Variants in PCDHGB1 observed in about 807,000 individuals in gnomAD.
The protein encoded by PCDHGB1 is protocadherin gamma subfamily B, 1.
PCDHGB1 carries 34 observed loss-of-function variants against 56.6 expected under a neutral mutation model. The observed-to-expected ratio is 0.60, with a 90% CI of 0.46 to 0.80. The LOEUF (loss-of-function observed/expected upper bound fraction) is 0.80, where lower values mean the gene tolerates loss of function less well. Among genes scored for constraint, PCDHGB1 ranks in the 30% least tolerant of loss-of-function variants. The probability of loss-of-function intolerance (pLI) is 0.00; values close to 1 mark genes in which losing one functional copy is unlikely to be tolerated. For missense variants in PCDHGB1, 1,278 were observed against 1,204.6 expected (o/e 1.06, Z -0.90); for synonymous variants, 561 against 505.9 (o/e 1.11, Z -1.46).
In PCDHGB1 at chr5:141,371,090, C is replaced by G. The variant is rs764906419; in HGVS notation, c.2409+18421C>G. The G allele has an allele frequency of 5.0e-6, 8 of 1,613,702 alleles. No homozygotes were observed. The East Asian group carries it at 1.8e-4, about 36-fold the overall frequency. On this transcript the variant is annotated intron_variant, in intron 1 of 3. Transcript: ENST00000523390. ...GTACCACCCAGATCAGGGTAATTGT[C>G]GCAGATGCAAATGATAACCCCCCAG...
At chr5:141,385,163 A>G in intron 1 of PCDHGB1, 1 of 1,614,182 alleles carries the variant, frequency 6.2e-7, no homozygotes, top group Admixed American at 1.7e-5. Flanking sequence ...ACCTATTCCC[A>G]TGAGGTCTCC....
At chr5:141,392,957 C>T in intron 1 of PCDHGB1, 1 of 1,613,932 alleles carries the variant, frequency 6.2e-7, no homozygotes, top group Non-Finnish European at 8.5e-7. Flanking sequence ...TGGGTAATAT[C>T]TCCAAGGACC....
At chr5:141,456,635 A>G (rs558958846) in intron 1 of PCDHGB1, among the ~76,000 whole-genome samples, 17 of 152,194 alleles carry the variant, frequency 1.1e-4, no homozygotes, top group Non-Finnish European at 2.2e-4. Context: ...CTTCTTTACT[A>G]CAGGTGTTAA....
intron 1 of PCDHGB1, among the ~76,000 whole-genome samples, chr5:141,380,866 A>G (rs945856253): frequency 3.3e-5 from 5 of 152,264 alleles, no homozygotes; most frequent in Admixed American, 3.3e-4. Context: ...GAGAGCTATA[A>G]CCTCCAAACA....
At position 141,491,299 on chromosome 5, in the gene PCDHGB1, C is replaced by T. The variant is rs777271881; in HGVS notation, c.2410-3508C>T. ...TGACTTCCTCATACACCCTCCTGAG[C>T]GTTCAGACCTTACCCTTTACCTCAT... On this transcript the variant is annotated intron_variant, in intron 1 of 3. Transcript: ENST00000523390. This position sits in a 1 kb window ranked among gnomAD's most constrained non-coding sequence, Gnocchi z 6.9. 3.7e-6 allele frequency: 6 copies of T among 1,614,068 alleles called. No individual in the cohort carries two copies. Among genetic ancestry groups the T allele is most frequent in the Non-Finnish European group, 5.1e-6 (6 of 1,179,896 alleles).
intron 1 of PCDHGB1, chr5:141,423,696 T>A: frequency 4.0e-6 from 6 of 1,492,822 alleles, no homozygotes; most frequent in Non-Finnish European, 5.3e-6. Flanking sequence ...ATTGTTGGTG[T>A]CTTGGCACAA....
intron 1 of PCDHGB1, chr5:141,375,232 C>G: frequency 6.2e-7 from 1 of 1,613,986 alleles, no homozygotes; most frequent in Non-Finnish European, 8.5e-7. Flanking sequence ...GCCTGGTAAC[C>G]TGTTCCATCC....
chr5:141,405,575 G>T, intron 1 of PCDHGB1: 2 of 598,040 alleles, frequency 3.3e-6, no homozygotes, highest in Non-Finnish European at 5.9e-6. Flanking sequence ...GAGTAGAGTA[G>T]CTGGGACTAC....
intron 1 of PCDHGB1, among the ~76,000 whole-genome samples, chr5:141,455,177 T>C (rs2098816411): frequency 6.6e-6 from 1 of 152,040 alleles, no homozygotes; most frequent in Non-Finnish European, 1.5e-5. Context: ...TTTTAGTTTT[T>C]TTATTTCTCT....
In PCDHGB1 at chr5:141,477,491, C is replaced by T; in HGVS notation, c.2410-17316C>T. 1 of 1,614,154 alleles carries T rather than the reference C, an allele frequency of 6.2e-7. No homozygotes were observed. The highest frequency in any genetic ancestry group is 8.5e-7 in the Non-Finnish European group (1 of 1,180,022). On this transcript the variant is annotated intron_variant, in intron 1 of 3. Coordinates refer to ENST00000523390, the MANE Select transcript of PCDHGB1 (RefSeq NM_018922.3). The surrounding 1 kb of genome is among the most constrained non-coding windows in gnomAD (Gnocchi z 4.9). ...CAATGACAACCCTCCACAATCTTCT[C>T]AATCTTCCTACGACGTTTACATTGA...
chr5:141,362,383 T>C (rs781696906), intron 1 of PCDHGB1: 4 of 1,614,050 alleles, frequency 2.5e-6, no homozygotes, highest in Non-Finnish European at 2.5e-6. Context: ...TACATTGCCC[T>C]ATTCCTACAA....
rs1176011355 is a variant in PCDHGB1 at position 141,485,491 on chromosome 5, G to A, written c.2410-9316G>A. The A allele has an allele frequency of 1.2e-6, 2 of 1,614,142 alleles. No individual in the cohort carries two copies. Among genetic ancestry groups the A allele is most frequent in the Non-Finnish European group, 1.7e-6 (2 of 1,180,040 alleles). On this transcript the variant is annotated intron_variant, in intron 1 of 3. Transcript: ENST00000523390. This position sits in a 1 kb window ranked among gnomAD's most constrained non-coding sequence, Gnocchi z 5.7. ...TCAGTGCCAGCTGCATCGTGCCCCT[G>A]GAGTTTGTCACCGAAGGTCCTTTGG...
chr5:141,437,355 A>C (rs2097877902), intron 1 of PCDHGB1, among the ~76,000 whole-genome samples: 1 of 152,238 alleles, frequency 6.6e-6, no homozygotes, highest in Non-Finnish European at 1.5e-5. Flanking sequence ...ATAGTACCTA[A>C]AATTGGAATG....
chr5:141,431,748 G>T lies in PCDHGB1; in HGVS notation c.2410-63059G>T. 1 of 1,614,196 alleles carries T rather than the reference G, an allele frequency of 6.2e-7. No homozygotes were observed. Among genetic ancestry groups the T allele is most frequent in the Non-Finnish European group, 8.5e-7 (1 of 1,180,042 alleles). Reference sequence around the variant, plus strand: ...ATGGATAATGCAGGATATTCTGCGCGAGCCAAAGTCCTGATCACTGTTCTG... The same window carrying T: ...ATGGATAATGCAGGATATTCTGCGCTAGCCAAAGTCCTGATCACTGTTCTG... On this transcript the variant is annotated intron_variant, in intron 1 of 3. Transcript: ENST00000523390. This position sits in a 1 kb window ranked among gnomAD's most constrained non-coding sequence, Gnocchi z 4.8.
chr5:141,415,189 A>T (rs575244490), intron 1 of PCDHGB1: 2 of 1,613,840 alleles, frequency 1.2e-6, no homozygotes, highest in Non-Finnish European at 1.7e-6. Context: ...GGCCGACAGC[A>T]TCCCCCAAGT....
rs1399077321 is a variant in PCDHGB1, at chr5:141,474,090, AAAC to A, written c.2410-20708_2410-20706del. Among the ~76,000 whole-genome samples the A allele has an allele frequency of 2.6e-5, 4 of 152,206 alleles. No individual in the cohort carries two copies. In the East Asian group the frequency reaches 5.8e-4, roughly 22 times the overall value. On this transcript the variant is annotated intron_variant, in intron 1 of 3. Coordinates refer to ENST00000523390, the MANE Select transcript of PCDHGB1 (RefSeq NM_018922.3). ...GCCTCAGAAACAAAAACCAAAAAAC[AAAC>A]AACAACAAAAACAACAACAACGAAA...
Position 141,501,940 on chromosome 5 carries a change from C to T in PCDHGB1, c.2469-3453C>T, listed in dbSNP as rs565207980. Among the ~76,000 whole-genome samples the T allele has an allele frequency of 2.6e-5, 4 of 152,250 alleles. No individual in the cohort carries two copies. In the East Asian group the frequency reaches 7.7e-4, roughly 29 times the overall value. On this transcript the variant is annotated intron_variant, in intron 2 of 3. Transcript: ENST00000523390. ...CAGCTTTGTTCCCTCAACACCACTG[C>T]TCCCTGTGACAGGTCATCCTCCTAA...
intron 2 of PCDHGB1, among the ~76,000 whole-genome samples, chr5:141,503,393 G>A (rs954734829): frequency 2.0e-5 from 3 of 151,824 alleles, no homozygotes; most frequent in African/African-American, 4.8e-5. Flanking sequence ...TCAGGAGTTC[G>A]AAACCAACCT....
chr5:141,400,503 G>T, intron 1 of PCDHGB1: 1 of 1,614,022 alleles, frequency 6.2e-7, no homozygotes, highest in Non-Finnish European at 8.5e-7. Context: ...ATTCCAGCGA[G>T]TCGACTTCCC....
Sources: gnomAD v4.1 joint callset for allele counts (sites outside exome capture counted in the v4.1 genomes callset) on GRCh38, gnomAD v4.1.1 for gene constraint, Gnocchi (gnomAD v3.1) non-coding constraint, MANE v1.5 for transcripts, NCBI Gene and HGNC (gene_info 2026-07-23, HGNC 2026-07-21) for gene names.